The following RABGAP1L variants were observed in gnomAD, a reference collection of about 807,000 sequenced individuals.
The protein encoded by RABGAP1L is rab GTPase-activating protein 1-like.
A neutral mutation model predicts 137.7 loss-of-function variants in RABGAP1L; 63 were observed. The ratio of observed to expected loss-of-function variants is 0.46; its 90% CI spans 0.37 to 0.56. The LOEUF (loss-of-function observed/expected upper bound fraction) is 0.56. Ranked by LOEUF, RABGAP1L falls within the 20% of genes least tolerant of loss-of-function variation. The pLI, the probability that RABGAP1L is intolerant of heterozygous loss-of-function variation, is 0.00. For synonymous variants in RABGAP1L, 431 were observed against 433.7 expected, an observed-to-expected ratio of 0.99 and a Z score of 0.08; for missense variants, 1,095 against 1,244.0, an observed-to-expected ratio of 0.88 and a Z score of 1.80.
At position 174,607,278 on chromosome 1, in the gene RABGAP1L, T is replaced by C. The variant is rs181099503; in HGVS notation, c.1711-30097T>C. Reference sequence around the variant, plus strand: ...AAGAGCTAACAAGTTATGAATTCTTTTCATGAAATATTATCATGCCCTCCA... The same window carrying C: ...AAGAGCTAACAAGTTATGAATTCTTCTCATGAAATATTATCATGCCCTCCA... On this transcript the variant is annotated intron_variant, in intron 13 of 25. Coordinates refer to ENST00000681986, the MANE Select transcript of RABGAP1L (RefSeq NM_001366446.1). 2.0e-5 allele frequency among the ~76,000 whole-genome samples: 3 copies of C among 152,316 alleles called. No homozygotes were observed. In the East Asian group the frequency reaches 5.8e-4, roughly 29 times the overall value.
chr1:174,691,187 G>T (rs904801145), intron 15 of RABGAP1L, among the ~76,000 whole-genome samples: 1 of 152,134 alleles, frequency 6.6e-6, no homozygotes, highest in Non-Finnish European at 1.5e-5. Context: ...CCTTCATAGA[G>T]AAAGGTAGAT....
chr1:174,533,503 G>A (rs997704597), intron 13 of RABGAP1L, among the ~76,000 whole-genome samples: 3 of 152,022 alleles, frequency 2.0e-5, no homozygotes, highest in Admixed American at 6.6e-5. Context: ...AGCCTACTCA[G>A]TGTGAAGACG....
intron 19 of RABGAP1L, among the ~76,000 whole-genome samples, chr1:174,874,693 C>T (rs2149066107): frequency 6.9e-6 from 1 of 144,852 alleles, no homozygotes; most frequent in East Asian, 2.1e-4. Context: ...GATGGTAAAA[C>T]AGGAGTTCGT....
chr1:174,210,178 C>T (rs1265082607), intron 1 of RABGAP1L, among the ~76,000 whole-genome samples: 1 of 152,138 alleles, frequency 6.6e-6, no homozygotes, highest in African/African-American at 2.4e-5. Context: ...ATACCTAACT[C>T]TTCAATGCCC....
At chr1:174,227,046 C>A (rs560532218) in intron 3 of RABGAP1L, among the ~76,000 whole-genome samples, 128 of 152,078 alleles carry the variant, frequency 8.4e-4, no homozygotes, top group Non-Finnish European at 1.4e-3. Flanking sequence ...ATTTTAGTAT[C>A]CATAATTAAG....
chr1:174,656,621 C>G (rs779681886), intron 14 of RABGAP1L, among the ~76,000 whole-genome samples: 8 of 152,188 alleles, frequency 5.3e-5, no homozygotes, highest in Non-Finnish European at 1.2e-4. Context: ...CTGCCCTCAG[C>G]CCTTGGCAAT....
At chr1:174,324,461 A>T (rs954518551) in intron 11 of RABGAP1L, among the ~76,000 whole-genome samples, 1 of 152,162 alleles carries the variant, frequency 6.6e-6, no homozygotes, top group African/African-American at 2.4e-5. Flanking sequence ...AGGAAAATGT[A>T]TTCAGTTTTA....
intron 13 of RABGAP1L, among the ~76,000 whole-genome samples, chr1:174,436,668 C>T (rs865965079): frequency 6.6e-6 from 1 of 152,136 alleles, no homozygotes; most frequent in African/African-American, 2.4e-5. Context: ...AATTAGATCC[C>T]GTTTGTCAAT....
chr1:174,980,883 G>A (rs1671042829), intron 23 of RABGAP1L, among the ~76,000 whole-genome samples: 1 of 151,662 alleles, frequency 6.6e-6, no homozygotes, highest in South Asian at 2.1e-4. Flanking sequence ...ATAGAGAAAA[G>A]GGAGACACAA....
chr1:174,718,362 C>T (rs1681195380), intron 17 of RABGAP1L, among the ~76,000 whole-genome samples: 1 of 152,148 alleles, frequency 6.6e-6, no homozygotes. Flanking sequence ...CATCTGTTGG[C>T]ATAACTTTGT....
At chr1:174,374,903 T>C (rs947298434) in intron 12 of RABGAP1L, among the ~76,000 whole-genome samples, 2 of 152,220 alleles carry the variant, frequency 1.3e-5, no homozygotes, top group African/African-American at 4.8e-5. Context: ...TTATTGTCTT[T>C]TTATGGTTTG....
At chr1:174,637,263 G>A in intron 13 of RABGAP1L, 112 bp from the exon 14 acceptor site, 1 of 717,080 alleles carries the variant, frequency 1.4e-6, no homozygotes, top group East Asian at 2.7e-5. Context: ...AAGTTTTTAT[G>A]TTTTTCTGTT....
At chr1:174,416,040 A>T (rs1650548896) in intron 13 of RABGAP1L, among the ~76,000 whole-genome samples, 1 of 148,420 alleles carries the variant, frequency 6.7e-6, no homozygotes, top group South Asian at 2.1e-4. Context: ...ATATATACAC[A>T]CACATTTTTT....
chr1:174,270,870 T>TG (rs1242118865), intron 7 of RABGAP1L, among the ~76,000 whole-genome samples: 3 of 152,146 alleles, frequency 2.0e-5, no homozygotes, highest in Non-Finnish European at 4.4e-5. Flanking sequence ...TGAAGCAAAG[T>TG]ATGTAGGGAT....
At position 174,169,713 on chromosome 1, in the gene RABGAP1L, A is replaced by G. The variant is rs185544047; in HGVS notation, c.-34+10056A>G. ...TTCCTTTTTTTCATGTTTTGGAGAC[A>G]GGGTATCTCTCTGTTGCCCAGGCTG... On this transcript the variant is annotated intron_variant, in intron 1 of 25. Coordinates refer to ENST00000681986, the MANE Select transcript of RABGAP1L (RefSeq NM_001366446.1). Among the ~76,000 whole-genome samples the G allele has an allele frequency of 3.7e-3, 555 of 150,508 alleles. 6 individuals are homozygous for G. Among genetic ancestry groups the G allele is most frequent in the South Asian group, 0.012 (56 of 4,710 alleles).
chr1:174,203,788 C>G (rs147908074), intron 1 of RABGAP1L, among the ~76,000 whole-genome samples: 1 of 152,170 alleles, frequency 6.6e-6, no homozygotes, highest in Non-Finnish European at 1.5e-5. Context: ...TTTTATAATT[C>G]TTAGTGTAGA....
rs185599027 is a variant in RABGAP1L at position 174,622,363 on chromosome 1, C to G, written c.1711-15012C>G. On this transcript the variant is annotated intron_variant, in intron 13 of 25. Coordinates refer to ENST00000681986, the MANE Select transcript of RABGAP1L (RefSeq NM_001366446.1). ...GCCATCCCATTACTGGGTATATACC[C>G]AAAGGACTATAAATCATGATGGTGT... 2.9e-3 allele frequency among the ~76,000 whole-genome samples: 436 copies of G among 152,242 alleles called. 1 individual carries two copies. The highest frequency in any genetic ancestry group is 9.7e-3 in the African/African-American group (402 of 41,528).
intron 13 of RABGAP1L, among the ~76,000 whole-genome samples, chr1:174,498,096 GATA>G (rs1660906550): frequency 1.3e-5 from 2 of 152,004 alleles, no homozygotes; most frequent in African/African-American, 2.4e-5. Context: ...GCTTGGAAAA[GATA>G]ATATCATTTA....
At chr1:174,964,901 GTTCAATTTCATTGGATA>G in intron 20 of RABGAP1L, 1 of 1,467,794 alleles carries the variant, frequency 6.8e-7, no homozygotes, top group Non-Finnish European at 9.0e-7. Flanking sequence ...TTTAGTAGGT[GTTCAATTTCATTGGATA>G]TTCTTTTTTT....
Sources: allele counts gnomAD v4.1 joint callset (sites outside exome capture counted in the v4.1 genomes callset), GRCh38; gene constraint gnomAD v4.1.1; transcripts MANE v1.5; gene names NCBI Gene and HGNC (gene_info 2026-07-23, HGNC 2026-07-21).